The following CATSPERE variants were observed in gnomAD, a reference collection of about 807,000 sequenced individuals.
CATSPERE encodes the protein cation channel sperm-associated auxiliary subunit epsilon.
A neutral mutation model predicts 114.1 loss-of-function variants in CATSPERE; 93 were observed. The observed-to-expected ratio is 0.81, with a 90% CI of 0.69 to 0.97. The LOEUF (loss-of-function observed/expected upper bound fraction) is 0.97. CATSPERE is among the 50% of genes least tolerant of loss of function. The probability of loss-of-function intolerance (pLI) is 0.00; values close to 1 mark genes in which losing one functional copy is unlikely to be tolerated. For missense variants in CATSPERE, 1,058 were observed against 1,131.6 expected (o/e 0.93, Z 0.93); for synonymous variants, 341 against 384.1 (o/e 0.89, Z 1.31).
intron 8 of CATSPERE, among the ~76,000 whole-genome samples, chr1:244,541,354 A>G (rs1450894446): frequency 2.7e-5 from 4 of 150,192 alleles, no homozygotes; most frequent in African/African-American, 9.7e-5. Context: ...AAGGACATGA[A>G]CAGGCACTTC....
intron 2 of CATSPERE, among the ~76,000 whole-genome samples, chr1:244,473,657 T>A (rs1668828673): frequency 6.6e-6 from 1 of 152,142 alleles, no homozygotes; most frequent in African/African-American, 2.4e-5. Context: ...CTTTTTGTGA[T>A]GTATCTAAGA....
intron 20 of CATSPERE, among the ~76,000 whole-genome samples, chr1:244,624,918 C>T (rs566276189): frequency 6.6e-6 from 1 of 152,224 alleles, no homozygotes; most frequent in Non-Finnish European, 1.5e-5. Flanking sequence ...GGCTCCACTT[C>T]TAATTCTACT....
At chr1:244,514,890 T>C (rs1676371768) in intron 7 of CATSPERE, among the ~76,000 whole-genome samples, 1 of 151,538 alleles carries the variant, frequency 6.6e-6, no homozygotes, top group Non-Finnish European at 1.5e-5. Context: ...ATAAGGTCTG[T>C]ACCCGAGTTA....
intron 5 of CATSPERE, among the ~76,000 whole-genome samples, chr1:244,485,159 C>T (rs1670792607): frequency 6.6e-6 from 1 of 150,588 alleles, no homozygotes; most frequent in Admixed American, 6.7e-5. Flanking sequence ...CTGGAAAATT[C>T]ACATTGTCTT....
intron 2 of CATSPERE, among the ~76,000 whole-genome samples, chr1:244,470,874 G>A (rs1273396188): frequency 6.6e-6 from 1 of 152,140 alleles, no homozygotes; most frequent in East Asian, 1.9e-4. Context: ...ATATAGAAAA[G>A]CCTTGAAAAC....
intron 2 of CATSPERE, among the ~76,000 whole-genome samples, chr1:244,469,461 T>G (rs1388426396): frequency 1.3e-5 from 2 of 152,144 alleles, no homozygotes; most frequent in African/African-American, 4.8e-5. Context: ...ATACATATCC[T>G]TTCATCCATA....
chr1:244,542,679 C>G (rs1231206738), intron 8 of CATSPERE, among the ~76,000 whole-genome samples: 1 of 152,084 alleles, frequency 6.6e-6, no homozygotes. Flanking sequence ...TTTTTTATGG[C>G]TGCATAGTAT....
rs1558610463 is a variant in CATSPERE, at chr1:244,621,211, A to ATATAAATATATC, written c.2648+3529_2648+3530insAATATATCTATA. Among the ~76,000 whole-genome samples, 75 of 57,892 alleles carry ATATAAATATATC rather than the reference A, an allele frequency of 1.3e-3. 12 individuals are homozygous for ATATAAATATATC. The highest frequency in any genetic ancestry group is 5.6e-3 in the African/African-American group (74 of 13,102). 38.0% of individuals were successfully genotyped at this position (57,892 alleles called of 152,430 possible). A position where few individuals can be genotyped will look rare whatever the true frequency, so the allele number is the denominator to read the frequency against. ...TAGATATATTTATATAGATATATTT[A>ATATAAATATATC]TATATATATTTATATAAATATATTT... On this transcript the variant is annotated intron_variant, in intron 20 of 21. Coordinates refer to ENST00000366534, the MANE Select transcript of CATSPERE (RefSeq NM_001130957.2).
chr1:244,634,583 C>T (rs1674375611), intron 20 of CATSPERE, among the ~76,000 whole-genome samples: 1 of 152,188 alleles, frequency 6.6e-6, no homozygotes, highest in South Asian at 2.1e-4. Context: ...TACAGTTTTA[C>T]AGATGGAGCC....
rs10524749 is a variant in CATSPERE at position 244,489,450 on chromosome 1, A to ATTTTTTTTTTTTT, written c.327-978_327-966dup. On this transcript the variant is annotated intron_variant, in intron 5 of 21. Coordinates refer to ENST00000366534, the MANE Select transcript of CATSPERE (RefSeq NM_001130957.2). ...CTTGCAGTATTAAGGAAGCATGCAG[A>ATTTTTTTTTTTTT]TTTTTTTTTTTTTTTTTTTTTTTTT... Among the ~76,000 whole-genome samples, 19 of 85,566 alleles carry ATTTTTTTTTTTTT rather than the reference A, an allele frequency of 2.2e-4. 3 individuals carry two copies. Among genetic ancestry groups the ATTTTTTTTTTTTT allele is most frequent in the African/African-American group, 8.6e-4 (19 of 22,122 alleles). 56.1% of individuals were successfully genotyped at this position (85,566 alleles called of 152,430 possible).
chr1:244,522,873 C>T (rs1677834001), intron 8 of CATSPERE, among the ~76,000 whole-genome samples: 1 of 152,080 alleles, frequency 6.6e-6, no homozygotes. Context: ...AGTCCAGGAC[C>T]AGATGGATTC....
Position 244,539,055 on chromosome 1 carries a change from C to T in CATSPERE, c.537-13267C>T, listed in dbSNP as rs147959210. Among the ~76,000 whole-genome samples, 547 of 152,286 alleles carry T rather than the reference C, an allele frequency of 3.6e-3. 2 individuals carry two copies. Among genetic ancestry groups the T allele is most frequent in the African/African-American group, 0.013 (530 of 41,548 alleles). The stretch of plus-strand genomic sequence containing the variant: ...CATTCTCCTTAAACCTTCCCCAGGC[C>T]AGAAGGCAGGTGCAGGTCTGTGTTT... On this transcript the variant is annotated intron_variant, in intron 8 of 21. Coordinates refer to ENST00000366534, the MANE Select transcript of CATSPERE (RefSeq NM_001130957.2).
chr1:244,621,303 A>ATT (rs1431965803), intron 20 of CATSPERE, among the ~76,000 whole-genome samples: 9 of 123,522 alleles, frequency 7.3e-5, no homozygotes, highest in African/African-American at 2.7e-4. Context: ...ATATAAATAT[A>ATT]TAAATATATA....
At chr1:244,622,561 GC>G (rs898676563) in intron 20 of CATSPERE, among the ~76,000 whole-genome samples, 4 of 151,794 alleles carry the variant, frequency 2.6e-5, no homozygotes, top group African/African-American at 9.7e-5. Context: ...GTGCCACCAC[GC>G]CCGGCTAATT....
At chr1:244,460,705 G>A (rs953037336), upstream of CATSPERE, among the ~76,000 whole-genome samples, 1 of 152,260 alleles carries the variant, frequency 6.6e-6, no homozygotes, top group Non-Finnish European at 1.5e-5. Flanking sequence ...CTTGAGGTCA[G>A]GAGTTGGAGA....
intron 20 of CATSPERE, among the ~76,000 whole-genome samples, chr1:244,632,365 G>T (rs1674059709): frequency 7.6e-6 from 1 of 131,380 alleles, no homozygotes; most frequent in African/African-American, 3.0e-5. Context: ...TTGCACTCCA[G>T]CCTGGGCAAT....
intron 5 of CATSPERE, among the ~76,000 whole-genome samples, chr1:244,490,132 T>G (rs3006020): frequency 6.6e-6 from 1 of 151,924 alleles, no homozygotes; most frequent in Non-Finnish European, 1.5e-5. Flanking sequence ...ATGAGGACTT[T>G]GAAATATTCA....
intron 10 of CATSPERE, among the ~76,000 whole-genome samples, chr1:244,562,035 C>T (rs983793676): frequency 2.6e-5 from 4 of 151,608 alleles, no homozygotes; most frequent in East Asian, 3.9e-4. Context: ...GCCTGTGGTC[C>T]CAGCTACTCA....
intron 7 of CATSPERE, among the ~76,000 whole-genome samples, chr1:244,518,267 C>T (rs1572518307): frequency 6.6e-6 from 1 of 152,178 alleles, no homozygotes; most frequent in African/African-American, 2.4e-5. Flanking sequence ...AGATTAGTTT[C>T]AGAAACTCTA....
Sources: allele counts gnomAD v4.1 joint callset (sites outside exome capture counted in the v4.1 genomes callset), GRCh38; gene constraint gnomAD v4.1.1; transcripts MANE v1.5; gene names NCBI Gene and HGNC (gene_info 2026-07-23, HGNC 2026-07-21).